Variants in DIABLO observed in about 807,000 individuals in gnomAD.
DIABLO encodes the protein diablo homolog, mitochondrial.
A neutral mutation model predicts 31.7 loss-of-function variants in DIABLO; 32 were observed. The observed-to-expected ratio is 1.01, with a 90% CI of 0.76 to 1.35. DIABLO has a LOEUF of 1.35. Ranked by LOEUF, DIABLO falls within the 40% of genes most tolerant of loss-of-function variation. The pLI is 0.00. For synonymous variants in DIABLO, 132 were observed against 103.2 expected, an observed-to-expected ratio of 1.28 and a Z score of -1.69; for missense variants, 316 against 286.4, an observed-to-expected ratio of 1.10 and a Z score of -0.75.
upstream of DIABLO, chr12:122,226,274 G>T (rs563440541): frequency 2.9e-6 from 2 of 690,082 alleles, no homozygotes; most frequent in Non-Finnish European, 5.2e-6. Flanking sequence ...AGGTGGGTCC[G>T]GCGCGGAGCT....
chr12:122,216,863 A>C lies in DIABLO; in HGVS notation c.322T>G (p.Tyr108Asp), dbSNP rs754521964. Residue 108 changes from tyrosine (Y) to aspartate (D), a missense_variant, in exon 4 of 6, where the codon TAT becomes GAT. Tyr to Asp is a radical substitution (Grantham distance 160). Transcript: ENST00000464942. ...TGTCGGTAAAGAGAAGTTAAGGTAT[A>C]AACAGCCTACAAATAGAGAATGAAC... ...EAITEYTKAV[Y>D]TLTSLYRQYT... is the part of the protein sequence containing the mutation. 8 of 1,612,172 alleles carry C rather than the reference A, an allele frequency of 5.0e-6. No homozygotes were observed. The African/African-American group carries it at 9.3e-5, about 19-fold the overall frequency.
rs1416684211 is a variant in DIABLO, at chr12:122,225,606, G to A, written c.50+359C>T. ...TGCCCTCGGGAGGACGTCTTCAGAC[G>A]CTCGTCTCCCTTCCCGGACTCCCCC... On this transcript the variant is annotated intron_variant, in intron 1 of 5. Transcript: ENST00000464942. 7.4e-6 allele frequency: 9 copies of A among 1,223,112 alleles called. No individual in the cohort carries two copies. In the South Asian group the frequency reaches 1.0e-4, roughly 14 times the overall value. The allele number at this position is 1,223,112 out of a possible 1,614,324, so 75.8% of individuals were successfully genotyped here.
chr12:122,226,408 G>A, upstream of DIABLO: 1 of 683,288 alleles, frequency 1.5e-6, no homozygotes, highest in Non-Finnish European at 2.6e-6. Context: ...GGGAGGCGGG[G>A]CCGGGCGCGG....
At chr12:122,218,933 T>TAAA (rs1193774146) in intron 2 of DIABLO, among the ~76,000 whole-genome samples, 6 of 91,440 alleles carry the variant, frequency 6.6e-5, no homozygotes, top group Admixed American at 1.3e-4. Context: ...AGAGCAAGAC[T>TAAA]AAAAAAAAAA....
At chr12:122,210,614 C>T (rs1276637078) in intron 5 of DIABLO, among the ~76,000 whole-genome samples, 7 of 149,974 alleles carry the variant, frequency 4.7e-5, no homozygotes, top group Non-Finnish European at 8.8e-5. Flanking sequence ...CTCCTGACCT[C>T]GTGATCCACC....
At chr12:122,218,459 T>C (rs1182731274) in intron 2 of DIABLO, 62 bp from the exon 3 acceptor site, 8 of 1,609,196 alleles carry the variant, frequency 5.0e-6, no homozygotes, top group East Asian at 2.2e-5. Flanking sequence ...TTTTCACCAA[T>C]AGGCAAGCAA....
chr12:122,208,959 T>G (rs1954011229), intron 5 of DIABLO: 1 of 362,932 alleles, frequency 2.8e-6, no homozygotes, highest in Non-Finnish European at 5.3e-6. Context: ...TTCATCACCT[T>G]GACTAATCTT....
intron 2 of DIABLO, among the ~76,000 whole-genome samples, chr12:122,223,160 C>T (rs1344281484): frequency 6.6e-6 from 1 of 151,954 alleles, no homozygotes; most frequent in African/African-American, 2.4e-5. Context: ...GACAGCCGGG[C>T]ACGGTGGCTC....
At chr12:122,211,707 AT>A (rs1173802109) in intron 5 of DIABLO, among the ~76,000 whole-genome samples, 1 of 152,020 alleles carries the variant, frequency 6.6e-6, no homozygotes, top group Non-Finnish European at 1.5e-5. Flanking sequence ...CTAATCCTTA[AT>A]AGCTTTAATA....
chr12:122,216,058 T>C (rs1954204983), intron 5 of DIABLO, among the ~76,000 whole-genome samples: 1 of 152,136 alleles, frequency 6.6e-6, no homozygotes, highest in African/African-American at 2.4e-5. Context: ...AAATAATTTG[T>C]CCTGGTTTTG....
At chr12:122,225,623 G>A (rs1954444313) in intron 1 of DIABLO, 6 of 1,266,114 alleles carry the variant, frequency 4.7e-6, no homozygotes, top group African/African-American at 1.5e-5. Flanking sequence ...TCCCTTCCCG[G>A]ACTCCCCCCA....
chr12:122,217,241 A>G (rs892707117), intron 3 of DIABLO: 1 of 301,580 alleles, frequency 3.3e-6, no homozygotes, highest in Middle Eastern at 1.2e-3. Flanking sequence ...GGCCGGGTGC[A>G]GTGGCTCATG....
chr12:122,216,458 A>T, intron 5 of DIABLO, 30 bp downstream of exon 5: 1 of 1,590,990 alleles, frequency 6.3e-7, no homozygotes, highest in Non-Finnish European at 8.6e-7. Flanking sequence ...AAAAATTAAA[A>T]AAAAAACCCA....
chr12:122,209,054 T>A, intron 5 of DIABLO: 1 of 288,856 alleles, frequency 3.5e-6, no homozygotes, highest in South Asian at 3.2e-5. Context: ...GTTTTATAAT[T>A]TTTTCACTTA....
At chr12:122,226,206 C>A (rs769138551), upstream of DIABLO, 52 of 902,008 alleles carry the variant, frequency 5.8e-5, no homozygotes, top group Non-Finnish European at 8.4e-5. Flanking sequence ...CCGCGCAAGG[C>A]AACCAACCGC....
rs1046344291 is a variant in DIABLO at position 122,226,049 on chromosome 12, A to C, written c.-35T>G. 6.3e-7 allele frequency: 1 copy of C among 1,591,530 alleles called. No homozygotes were observed. Among genetic ancestry groups the C allele is most frequent in the African/African-American group, 1.3e-5 (1 of 74,506 alleles). ...CGCGGACGCCAGACGCACACGCCGG[A>C]AGTGACGCAGCTTCGTGAGCGCGGA... On this transcript the variant is annotated 5_prime_UTR_variant, in exon 1 of 6. Coordinates refer to ENST00000464942, the MANE Select transcript of DIABLO (RefSeq NM_001371333.1).
Position 122,218,323 on chromosome 12 carries a change from A to G in DIABLO, c.258T>C (p.Ser86=). 2 of 1,614,186 alleles carry G rather than the reference A, an allele frequency of 1.2e-6. No homozygotes were observed. Among genetic ancestry groups the G allele is most frequent in the Non-Finnish European group, 1.7e-6 (2 of 1,180,014 alleles). ...RAVSLVTDST[S]TFLSQTTYAL... is the part of the protein sequence containing the mutation. Reference sequence around the variant, plus strand: ...CATATGTGGTCTGAGAGAGAAAGGTAGAGGTGCTATCTGTTACCAAAGACA... The same window carrying G: ...CATATGTGGTCTGAGAGAGAAAGGTGGAGGTGCTATCTGTTACCAAAGACA... Residue 86 remains serine, a synonymous_variant, in exon 3 of 6, where the codon TCT becomes TCC. Transcript: ENST00000464942.
At chr12:122,210,583 G>C (rs901483679) in intron 5 of DIABLO, among the ~76,000 whole-genome samples, 1 of 150,856 alleles carries the variant, frequency 6.6e-6, no homozygotes, top group South Asian at 2.1e-4. Context: ...GTTTCACCAC[G>C]TTAGCCAGGA....
At chr12:122,218,638 C>A in intron 2 of DIABLO, 1 of 509,836 alleles carries the variant, frequency 2.0e-6, no homozygotes, top group Non-Finnish European at 3.5e-6. Flanking sequence ...CAAATTATTT[C>A]TTTACATATA....
Sources: gnomAD v4.1 joint callset for allele counts (sites outside exome capture counted in the v4.1 genomes callset) on GRCh38, gnomAD v4.1.1 for gene constraint, MANE v1.5 for transcripts, NCBI Gene and HGNC (gene_info 2026-07-23, HGNC 2026-07-21) for gene names.